The following AAK1 variants were observed in gnomAD, a reference collection of about 807,000 sequenced individuals.
AAK1 encodes the protein AP2 associated kinase 1.
A neutral mutation model predicts 116.0 loss-of-function variants in AAK1; 37 were observed. That is an observed-to-expected ratio of 0.32 (90% CI 0.25 to 0.42). AAK1 has a LOEUF of 0.42. Among genes scored for constraint, AAK1 ranks in the 10% least tolerant of loss-of-function variants. The probability of loss-of-function intolerance (pLI) is 1.00; values close to 1 mark genes in which losing one functional copy is unlikely to be tolerated. For missense variants in AAK1, 919 were observed against 1,170.6 expected (o/e 0.79, Z 3.14); for synonymous variants, 458 against 439.9 (o/e 1.04, Z -0.51).
chr2:69,530,828 G>C (rs1007109961), intron 6 of AAK1, 122 bp from the exon 7 acceptor site: 3 of 692,778 alleles, frequency 4.3e-6, no homozygotes, highest in Admixed American at 2.5e-5. Flanking sequence ...CTGCAGAAGA[G>C]AGTATGAAAT....
chr2:69,535,643 C>T (rs541361319), intron 5 of AAK1, among the ~76,000 whole-genome samples: 1 of 152,136 alleles, frequency 6.6e-6, no homozygotes, highest in Admixed American at 6.5e-5. Flanking sequence ...GAAGAAGGAG[C>T]AGCCATGTGC....
At chr2:69,588,034 G>A (rs1672866972) in intron 2 of AAK1, among the ~76,000 whole-genome samples, 1 of 151,980 alleles carries the variant, frequency 6.6e-6, no homozygotes, top group South Asian at 2.1e-4. Context: ...AAAGTGCTGG[G>A]ATTACAGGCA....
At chr2:69,559,582 G>A (rs940136160) in intron 2 of AAK1, among the ~76,000 whole-genome samples, 6 of 152,112 alleles carry the variant, frequency 3.9e-5, no homozygotes, top group African/African-American at 9.7e-5. Context: ...AAAAAATCAC[G>A]GAACTACAGA....
chr2:69,510,459 T>C (rs1264589094), intron 13 of AAK1, among the ~76,000 whole-genome samples: 2 of 152,222 alleles, frequency 1.3e-5, no homozygotes, highest in East Asian at 3.8e-4. Flanking sequence ...TTGATGGGCA[T>C]TTAGGTTGAT....
chr2:69,521,846 T>C (rs1227992553), intron 10 of AAK1, among the ~76,000 whole-genome samples: 2 of 152,262 alleles, frequency 1.3e-5, no homozygotes, highest in Non-Finnish European at 2.9e-5. Flanking sequence ...CATGCAGCCA[T>C]AGCTACACTG....
At chr2:69,557,893 G>A (rs879540818) in intron 2 of AAK1, among the ~76,000 whole-genome samples, 4 of 152,076 alleles carry the variant, frequency 2.6e-5, no homozygotes, top group East Asian at 1.9e-4. Context: ...AGATTCTTCC[G>A]GACCTCCCTA....
At chr2:69,529,542 A>C (rs1670159322) in intron 8 of AAK1, among the ~76,000 whole-genome samples, 1 of 152,234 alleles carries the variant, frequency 6.6e-6, no homozygotes, top group Non-Finnish European at 1.5e-5. Context: ...TGTTATCAAA[A>C]TCCAGTGATT....
intron 16 of AAK1, among the ~76,000 whole-genome samples, chr2:69,502,179 ATTG>A (rs976745946): frequency 8.5e-5 from 13 of 152,124 alleles, no homozygotes; most frequent in African/African-American, 2.9e-4. Flanking sequence ...ATATATATAT[ATTG>A]TTGTACTTTA....
chr2:69,643,707 G>T lies in AAK1; in HGVS notation c.-367C>A. ...GGCCGCGCTCGGCTCCCGCCCGCCC[G>T]CCAGCTGATCCCGGGAGCGCCGGGC... On this transcript the variant is annotated 5_prime_UTR_variant, in exon 1 of 22. Transcript: ENST00000409085. 8.2e-7 allele frequency: 1 copy of T among 1,216,090 alleles called. No homozygotes were observed. The highest frequency in any genetic ancestry group is 3.3e-5 in the East Asian group (1 of 30,290). The allele number at this position is 1,216,090 out of a possible 1,614,324, so 75.3% of individuals were successfully genotyped here. A position where few individuals can be genotyped will look rare whatever the true frequency, so the allele number is the denominator to read the frequency against.
At chr2:69,484,838 G>T (rs1352938424) in intron 17 of AAK1, among the ~76,000 whole-genome samples, 1 of 150,654 alleles carries the variant, frequency 6.6e-6, no homozygotes, top group East Asian at 1.9e-4. Context: ...TCATGCCATT[G>T]CACTCCAGCC....
rs1674439281 is a variant in AAK1 at position 69,464,892 on chromosome 2, C to T, written c.*10977G>A. ...CTGCTTCTACAGGAATTATTAGTAA[C>T]TGCAGGATTATACTTCCTGTTGATG... On this transcript the variant is annotated 3_prime_UTR_variant, in exon 22 of 22. Coordinates refer to ENST00000409085, the MANE Select transcript of AAK1 (RefSeq NM_014911.5). 1 of 155,198 alleles carries T rather than the reference C, an allele frequency of 6.4e-6. No homozygotes were observed. Among genetic ancestry groups the T allele is most frequent in the African/African-American group, 2.4e-5 (1 of 41,470 alleles). 9.6% of individuals were successfully genotyped at this position (155,198 alleles called of 1,614,324 possible).
intron 6 of AAK1, 131 bp downstream of exon 6, chr2:69,531,910 A>G (rs1670275360): frequency 2.1e-6 from 3 of 1,429,274 alleles, no homozygotes; most frequent in South Asian, 2.6e-5. Context: ...AACTGTAAAC[A>G]TGATGCTCTG....
Position 69,476,998 on chromosome 2 carries a change from C to G in AAK1, c.2681-8G>C, listed in dbSNP as rs776287246. The G allele has an allele frequency of 9.4e-5, 149 of 1,593,216 alleles. No individual in the cohort carries two copies. The highest frequency in any genetic ancestry group is 1.2e-4 in the Non-Finnish European group (137 of 1,164,844). Reference sequence around the variant, plus strand: ...GATTACTATCTTCTGCAGCTTAATACAGAATGCAAGTACACAAGCAGAAAC... The same window carrying G: ...GATTACTATCTTCTGCAGCTTAATAGAGAATGCAAGTACACAAGCAGAAAC... On this transcript the variant is annotated splice_polypyrimidine_tract_variant and splice_region_variant and intron_variant, in intron 20 of 21. Transcript: ENST00000409085.
Position 69,472,631 on chromosome 2 carries a change from C to T in AAK1, c.*3238G>A. On this transcript the variant is annotated 3_prime_UTR_variant, in exon 22 of 22. Coordinates refer to ENST00000409085, the MANE Select transcript of AAK1 (RefSeq NM_014911.5). ...CCTCTGAGGTATGTATTTTTGAAAA[C>T]ATTGGGACTCATTTGAATGTTGTAA... The T allele has an allele frequency of 2.0e-6, 2 of 985,312 alleles. No individual in the cohort carries two copies. Among genetic ancestry groups the T allele is most frequent in the Non-Finnish European group, 2.4e-6 (2 of 829,888 alleles). The allele number at this position is 985,312 out of a possible 1,614,324, so 61.0% of individuals were successfully genotyped here.
chr2:69,581,656 G>A (rs780748648), intron 2 of AAK1, among the ~76,000 whole-genome samples: 4 of 152,074 alleles, frequency 2.6e-5, no homozygotes, highest in Non-Finnish European at 5.9e-5. Context: ...GAAAATTGAC[G>A]CAAAACACTT....
At chr2:69,584,665 G>C (rs577363915) in intron 2 of AAK1, among the ~76,000 whole-genome samples, 2 of 152,292 alleles carry the variant, frequency 1.3e-5, no homozygotes, top group East Asian at 3.9e-4. Context: ...TGTCAGGTCA[G>C]GCTCTTGGTG....
chr2:69,580,470 C>T (rs894137089), intron 2 of AAK1, among the ~76,000 whole-genome samples: 2 of 151,896 alleles, frequency 1.3e-5, no homozygotes, highest in Non-Finnish European at 2.9e-5. Context: ...CCATATGGTG[C>T]CATAGGAATA....
rs2105282311 is a variant in AAK1, at chr2:69,643,063, G to A, written c.-23C>T. 6.7e-7 allele frequency: 1 copy of A among 1,501,150 alleles called. No homozygotes were observed. The highest frequency in any genetic ancestry group is 8.8e-7 in the Non-Finnish European group (1 of 1,130,474). The allele number at this position is 1,501,150 out of a possible 1,614,324, so 93.0% of individuals were successfully genotyped here. A position where few individuals can be genotyped will look rare whatever the true frequency, so the allele number is the denominator to read the frequency against. On this transcript the variant is annotated 5_prime_UTR_variant, in exon 2 of 22. Transcript: ENST00000409085. ...CATCTTGCGAATAGGGAGCAGCAAAGCAAAATACCGATGGTTTCTAGATTT... is the reference window on the plus strand; with the variant it reads ...CATCTTGCGAATAGGGAGCAGCAAAACAAAATACCGATGGTTTCTAGATTT...
chr2:69,531,569 A>G, intron 6 of AAK1: 1 of 986,188 alleles, frequency 1.0e-6, no homozygotes, highest in Non-Finnish European at 1.2e-6. Flanking sequence ...TCTGTGATTC[A>G]GTATCTGCAG....
Sources: gnomAD v4.1 joint callset for allele counts (sites outside exome capture counted in the v4.1 genomes callset) on GRCh38, gnomAD v4.1.1 for gene constraint, MANE v1.5 for transcripts, NCBI Gene and HGNC (gene_info 2026-07-23, HGNC 2026-07-21) for gene names.